The following DPYD variants were observed in gnomAD, a reference collection of about 807,000 sequenced individuals.
The protein encoded by DPYD is dihydropyrimidine dehydrogenase [NADP(+)].
DPYD carries 109 observed loss-of-function variants against 116.2 expected under a neutral mutation model. The ratio of observed to expected loss-of-function variants is 0.94; its 90% CI spans 0.80 to 1.10. The LOEUF (loss-of-function observed/expected upper bound fraction) is 1.10. Ranked by LOEUF, DPYD falls within the 50% of genes least tolerant of loss-of-function variation. The pLI, the probability that DPYD is intolerant of heterozygous loss-of-function variation, is 0.00. For synonymous variants in DPYD, 440 were observed against 432.0 expected (o/e 1.02, Z -0.23); for missense variants, 1,302 against 1,254.5 (o/e 1.04, Z -0.57).
At chr1:97,836,693 C>T (rs956334149) in intron 2 of DPYD, among the ~76,000 whole-genome samples, 2 of 151,492 alleles carry the variant, frequency 1.3e-5, no homozygotes, top group African/African-American at 4.9e-5. Context: ...CAAACAGAAA[C>T]AAGGAATTTA....
chr1:97,855,702 T>A (rs1168435006), intron 2 of DPYD: 1 of 152,164 alleles, frequency 6.6e-6, no homozygotes, highest in Admixed American at 6.5e-5. Flanking sequence ...AAAACAGCCT[T>A]CGAAATACAT....
intron 16 of DPYD, among the ~76,000 whole-genome samples, chr1:97,315,096 A>G (rs1320174150): frequency 2.0e-5 from 3 of 151,972 alleles, no homozygotes; most frequent in African/African-American, 4.8e-5. Flanking sequence ...TAGATATGCT[A>G]AAGTAACTAA....
At chr1:97,635,712 G>A (rs1181536378) in intron 8 of DPYD, among the ~76,000 whole-genome samples, 8 of 152,046 alleles carry the variant, frequency 5.3e-5, no homozygotes. Flanking sequence ...AATTTAAAAG[G>A]AAAGATACTG....
chr1:97,527,108 T>C (rs907585420), intron 12 of DPYD, among the ~76,000 whole-genome samples: 5 of 151,730 alleles, frequency 3.3e-5, no homozygotes, highest in African/African-American at 1.2e-4. Flanking sequence ...AGACGGTGTG[T>C]TGCTCTGTCG....
intron 19 of DPYD, among the ~76,000 whole-genome samples, chr1:97,216,611 T>C (rs1281657542): frequency 6.6e-6 from 1 of 151,730 alleles, no homozygotes; most frequent in Non-Finnish European, 1.5e-5. Flanking sequence ...CTGGCCAACA[T>C]GGTGAAACCC....
At chr1:97,914,168 G>A (rs914180100) in intron 1 of DPYD, among the ~76,000 whole-genome samples, 3 of 152,070 alleles carry the variant, frequency 2.0e-5, no homozygotes, top group Non-Finnish European at 4.4e-5. Flanking sequence ...AATTATTATA[G>A]CTAGTATAAA....
At chr1:97,330,916 C>T (rs1425670710) in intron 16 of DPYD, among the ~76,000 whole-genome samples, 1 of 152,180 alleles carries the variant, frequency 6.6e-6, no homozygotes, top group Non-Finnish European at 1.5e-5. Context: ...ATGAAAGACA[C>T]AGTAGATATC....
intron 1 of DPYD, among the ~76,000 whole-genome samples, chr1:97,920,159 A>G (rs1486439292): frequency 6.6e-6 from 1 of 152,194 alleles, no homozygotes; most frequent in Non-Finnish European, 1.5e-5. Context: ...TTTTCATCGC[A>G]TATATTAAGA....
chr1:97,306,365 A>G, intron 16 of DPYD, 68 bp from the exon 17 acceptor site: 5 of 1,601,224 alleles, frequency 3.1e-6, no homozygotes, highest in South Asian at 1.1e-5. Flanking sequence ...GTACTGGAAC[A>G]ACAGCAAAGC....
chr1:97,741,119 A>C (rs1442667748), intron 3 of DPYD, among the ~76,000 whole-genome samples: 1 of 152,148 alleles, frequency 6.6e-6, no homozygotes, highest in Non-Finnish European at 1.5e-5. Context: ...AATGGGCTCC[A>C]ACAAGGTCAG....
chr1:97,312,012 T>C (rs773328418), intron 16 of DPYD, among the ~76,000 whole-genome samples: 9 of 151,852 alleles, frequency 5.9e-5, no homozygotes, highest in Admixed American at 2.6e-4. Flanking sequence ...GTTGGAGATG[T>C]TCTATTTCTT....
chr1:97,593,379 C>A lies in DPYD; in HGVS notation c.967G>T (p.Ala323Ser). 6.2e-7 allele frequency: 1 copy of A among 1,614,038 alleles called. No individual in the cohort carries two copies. Among genetic ancestry groups the A allele is most frequent in the Non-Finnish European group, 8.5e-7 (1 of 1,180,000 alleles). The change falls in exon 10 of 23, where the codon GCC (alanine) becomes TCC (serine). Residue 323 changes from alanine to serine, a missense_variant. Coordinates refer to ENST00000370192, the MANE Select transcript of DPYD (RefSeq NM_000110.4). Reference sequence around the variant, plus strand: ...ATCGATGGCAATGGAGAGTGACAGGCGCACATTCCTGAATGATGAAAGGAA... The same window carrying A: ...ATCGATGGCAATGGAGAGTGACAGGAGCACATTCCTGAATGATGAAAGGAA... ...VAKGSKAGMC[A>S]CHSPLPSIRG...
intron 8 of DPYD, among the ~76,000 whole-genome samples, chr1:97,654,425 T>G (rs1243635878): frequency 6.6e-6 from 1 of 152,166 alleles, no homozygotes; most frequent in Admixed American, 6.6e-5. Context: ...AATATAATTT[T>G]TATAGTGATT....
At chr1:97,857,284 T>C (rs1359115118) in intron 2 of DPYD, among the ~76,000 whole-genome samples, 1 of 152,206 alleles carries the variant, frequency 6.6e-6, no homozygotes, top group Non-Finnish European at 1.5e-5. Flanking sequence ...TCTTCCTCCA[T>C]GTTTCCTGGC....
chr1:97,704,316 A>G (rs1661776526), intron 5 of DPYD, among the ~76,000 whole-genome samples: 1 of 152,060 alleles, frequency 6.6e-6, no homozygotes, highest in South Asian at 2.1e-4. Flanking sequence ...AACTATGAAA[A>G]TTGAAATCAA....
intron 8 of DPYD, among the ~76,000 whole-genome samples, chr1:97,665,546 G>T (rs1456670087): frequency 1.3e-5 from 2 of 152,096 alleles, no homozygotes; most frequent in African/African-American, 4.8e-5. Flanking sequence ...AGATCAAACA[G>T]ATTTTGAACT....
chr1:97,217,957 C>T (rs1365228971), intron 19 of DPYD, among the ~76,000 whole-genome samples: 1 of 152,160 alleles, frequency 6.6e-6, no homozygotes, highest in African/African-American at 2.4e-5. Context: ...GGTACTATAA[C>T]TTCCATTTTA....
At chr1:97,572,541 A>G (rs574233912) in intron 11 of DPYD, among the ~76,000 whole-genome samples, 1 of 152,116 alleles carries the variant, frequency 6.6e-6, no homozygotes, top group Non-Finnish European at 1.5e-5. Flanking sequence ...ATTTTACTCA[A>G]TTTTTGGTGA....
chr1:97,504,890 C>T (rs542938398), intron 13 of DPYD, among the ~76,000 whole-genome samples: 12 of 23,226 alleles, frequency 5.2e-4, no homozygotes, highest in Admixed American at 9.5e-4. Flanking sequence ...GGAAAGGGGC[C>T]GGGGGGTGGG....
Sources: allele counts gnomAD v4.1 joint callset (sites outside exome capture counted in the v4.1 genomes callset), GRCh38; gene constraint gnomAD v4.1.1; transcripts MANE v1.5; gene names NCBI Gene and HGNC (gene_info 2026-07-23, HGNC 2026-07-21).